Variants in SPATC1 observed in about 807,000 individuals in gnomAD.
The protein encoded by SPATC1 is speriolin.
A neutral mutation model predicts 36.5 loss-of-function variants in SPATC1; 35 were observed. The ratio of observed to expected loss-of-function variants is 0.96; its 90% CI spans 0.73 to 1.27. SPATC1 has a LOEUF of 1.27. Ranked by LOEUF, SPATC1 falls within the 50% of genes most tolerant of loss-of-function variation. The pLI is 0.00. For synonymous variants in SPATC1, 361 were observed against 353.6 expected, an observed-to-expected ratio of 1.02 and a Z score of -0.24; for missense variants, 779 against 796.0, an observed-to-expected ratio of 0.98 and a Z score of 0.26.
chr8:144,046,600 G>A lies in SPATC1; in HGVS notation c.1447-27G>A, dbSNP rs1835268275. The A allele has an allele frequency of 6.3e-7, 1 of 1,587,056 alleles. No homozygotes were observed. The highest frequency in any genetic ancestry group is 8.6e-7 in the Non-Finnish European group (1 of 1,168,936). ...TGTGTGTGGAGGTGTGGCAAGGGAG[G>A]GTCCCTGATGGCCGCTGTCCCCACA... On this transcript the variant is annotated intron_variant, in intron 4 of 4. Coordinates refer to ENST00000377470, the MANE Select transcript of SPATC1 (RefSeq NM_198572.3). This position sits in a 1 kb window ranked among gnomAD's most constrained non-coding sequence, Gnocchi z 6.6.
At chr8:144,013,631 G>T (rs1834323456) in intron 1 of SPATC1, among the ~76,000 whole-genome samples, 1 of 152,226 alleles carries the variant, frequency 6.6e-6, no homozygotes, top group African/African-American at 2.4e-5. Flanking sequence ...TACCCCTAAT[G>T]ACACAGAGAC....
At position 144,033,238 on chromosome 8, in the gene SPATC1, A is replaced by G. The variant is rs914729631; in HGVS notation, c.212-6671A>G. ...TGGTGAAACTCTGTCTCTACTAAAA[A>G]TACAAAAAAGTTAGCTGGGCATGGT... On this transcript the variant is annotated intron_variant, in intron 1 of 4. Transcript: ENST00000377470. Among the ~76,000 whole-genome samples, 745 of 152,278 alleles carry G rather than the reference A, an allele frequency of 4.9e-3. 7 individuals are homozygous for G. The highest frequency in any genetic ancestry group is 0.017 in the African/African-American group (721 of 41,554).
rs781954923 is a variant in SPATC1 at position 144,041,321 on chromosome 8, G to A, written c.1396G>A (p.Val466Ile). 57 of 1,612,714 alleles carry A rather than the reference G, an allele frequency of 3.5e-5. No individual in the cohort carries two copies. The highest frequency in any genetic ancestry group is 1.2e-4 in the African/African-American group (9 of 74,942). ...RILSSIFPER[V>I]RLYGFTVSNI... The stretch of plus-strand genomic sequence containing the variant: ...CCTGTCCAGCATCTTCCCAGAGCGC[G>A]TACGGCTCTACGGCTTCACTGTCTC... The change falls in exon 4 of 5, where the codon GTA becomes ATA. Residue 466 changes from valine to isoleucine, a missense_variant. Transcript: ENST00000377470.
rs987366111 is a variant in SPATC1, at chr8:144,045,869, G to A, written c.1447-758G>A. 2.0e-5 allele frequency among the ~76,000 whole-genome samples: 3 copies of A among 152,370 alleles called. No individual in the cohort carries two copies. The highest frequency in any genetic ancestry group is 7.2e-5 in the African/African-American group (3 of 41,592). The stretch of plus-strand genomic sequence containing the variant: ...CCAGGTCACACATCCAGGGGGCAGC[G>A]GCAGGCTGAGTGGGAGGGGCTGCCT... On this transcript the variant is annotated intron_variant, in intron 4 of 4. Coordinates refer to ENST00000377470, the MANE Select transcript of SPATC1 (RefSeq NM_198572.3). The surrounding 1 kb of genome is among the most constrained non-coding windows in gnomAD (Gnocchi z 5.2).
Position 144,046,982 on chromosome 8 carries a change from G to C in SPATC1, c.*26G>C. 1.3e-6 allele frequency: 2 copies of C among 1,582,718 alleles called. No homozygotes were observed. The highest frequency in any genetic ancestry group is 2.2e-5 in the East Asian group (1 of 44,704). On this transcript the variant is annotated 3_prime_UTR_variant, in exon 5 of 5. Transcript: ENST00000377470. The surrounding 1 kb of genome is among the most constrained non-coding windows in gnomAD (Gnocchi z 6.6). ...CGCTGGAGCTGGGAGGTCCAGGCTCGCTCAGCCCCACAGCCCTGTGCACGG... is the reference window on the plus strand; with the variant it reads ...CGCTGGAGCTGGGAGGTCCAGGCTCCCTCAGCCCCACAGCCCTGTGCACGG...
chr8:144,040,708 A>C lies in SPATC1; in HGVS notation c.907A>C (p.Thr303Pro), dbSNP rs782559504. ...TCCCAAGACGGCCTTCTCCTTCAAC[A>C]CTTCGGACACACAGGCCCAGCCCAG... ...PAPKTAFSFN[T>P]SDTQAQPSAA... Residue 303 changes from threonine to proline, a missense_variant, in exon 3 of 5, where the codon ACT becomes CCT. Physicochemically the swap from Thr to Pro is conservative, Grantham distance 38. Coordinates refer to ENST00000377470, the MANE Select transcript of SPATC1 (RefSeq NM_198572.3). 6.2e-7 allele frequency: 1 copy of C among 1,612,860 alleles called. No individual in the cohort carries two copies. The highest frequency in any genetic ancestry group is 8.5e-7 in the Non-Finnish European group (1 of 1,179,736).
At chr8:144,042,095 T>C in intron 4 of SPATC1, 2 of 797,154 alleles carry the variant, frequency 2.5e-6, no homozygotes, top group Non-Finnish European at 3.0e-6. Context: ...TACACAACAG[T>C]GTATGTACCC....
chr8:144,043,018 G>T (rs1363226096), intron 4 of SPATC1, among the ~76,000 whole-genome samples: 1 of 145,080 alleles, frequency 6.9e-6, no homozygotes, highest in Non-Finnish European at 1.5e-5. Flanking sequence ...TTGAGACAGA[G>T]TCTTGCTCTT....
At chr8:144,037,912 G>A (rs1168694382) in intron 1 of SPATC1, among the ~76,000 whole-genome samples, 1 of 151,966 alleles carries the variant, frequency 6.6e-6, no homozygotes, top group African/African-American at 2.4e-5. Flanking sequence ...GGCAGATCAT[G>A]AGGTCAGGAG....
chr8:144,043,712 A>C (rs1288273373), intron 4 of SPATC1, among the ~76,000 whole-genome samples: 9 of 148,126 alleles, frequency 6.1e-5, no homozygotes, highest in African/African-American at 2.2e-4. Context: ...TTTTTACATA[A>C]GTGACTATTT....
rs1209447574 is a variant in SPATC1 at position 144,045,323 on chromosome 8, G to C, written c.1447-1304G>C. ...ATCCCAGGCACGTCCCAGGCAACAG[G>C]GGTGCTGAGCGCAGGCTCTGGGAGC... is the stretch of plus-strand genomic sequence containing the variant. On this transcript the variant is annotated intron_variant, in intron 4 of 4. Coordinates refer to ENST00000377470, the MANE Select transcript of SPATC1 (RefSeq NM_198572.3). The surrounding 1 kb of genome is among the most constrained non-coding windows in gnomAD (Gnocchi z 5.2). 6.6e-6 allele frequency among the ~76,000 whole-genome samples: 1 copy of C among 152,236 alleles called. No homozygotes were observed. Among genetic ancestry groups the C allele is most frequent in the Non-Finnish European group, 1.5e-5 (1 of 68,036 alleles).
intron 1 of SPATC1, 95 bp downstream of exon 1, chr8:144,012,821 G>A (rs1343438971): frequency 7.6e-7 from 1 of 1,320,484 alleles, no homozygotes; most frequent in East Asian, 2.5e-5. Context: ...AGGTCATGGA[G>A]GGAGTGCCCT....
At chr8:144,042,139 G>C (rs966403073) in intron 4 of SPATC1, 43 of 432,392 alleles carry the variant, frequency 9.9e-5, no homozygotes, top group Non-Finnish European at 1.3e-4. Flanking sequence ...CAATTCAAAC[G>C]ATTCTGCTGC....
chr8:144,017,658 A>G (rs1834421106), intron 1 of SPATC1, among the ~76,000 whole-genome samples: 1 of 152,192 alleles, frequency 6.6e-6, no homozygotes, highest in Non-Finnish European at 1.5e-5. Context: ...AAGAATTTCA[A>G]ATTCAAATCT....
In SPATC1 at chr8:144,046,290, C is replaced by T. The variant is rs2129694901; in HGVS notation, c.1447-337C>T. Among the ~76,000 whole-genome samples the T allele has an allele frequency of 1.3e-5, 2 of 152,286 alleles. No individual in the cohort carries two copies. The highest frequency in any genetic ancestry group is 4.1e-4 in the South Asian group (2 of 4,828). ...TCCAGATGCCTAGCCACGCCCCCTG[C>T]CCTCAGTCCCTGGAGGCCTCAGCCC... On this transcript the variant is annotated intron_variant, in intron 4 of 4. Coordinates refer to ENST00000377470, the MANE Select transcript of SPATC1 (RefSeq NM_198572.3). This position sits in a 1 kb window ranked among gnomAD's most constrained non-coding sequence, Gnocchi z 6.6.
intron 1 of SPATC1, among the ~76,000 whole-genome samples, chr8:144,019,357 G>A (rs1373516520): frequency 6.6e-6 from 1 of 152,218 alleles, no homozygotes; most frequent in East Asian, 1.9e-4. Context: ...GATCTGGAGA[G>A]GCTCAGAGAC....
chr8:144,031,760 G>C (rs1436940197), intron 1 of SPATC1, among the ~76,000 whole-genome samples: 4 of 120,954 alleles, frequency 3.3e-5, no homozygotes, highest in African/African-American at 9.8e-5. Flanking sequence ...GTCTCACTCT[G>C]TCACCCATCA....
intron 1 of SPATC1, among the ~76,000 whole-genome samples, chr8:144,024,010 A>G (rs1390798633): frequency 3.6e-5 from 5 of 138,438 alleles, no homozygotes; most frequent in South Asian, 4.6e-4. Flanking sequence ...CTCTACCCTA[A>G]GGACCCTCTC....
chr8:144,037,751 T>C (rs1834944756), intron 1 of SPATC1, among the ~76,000 whole-genome samples: 1 of 151,088 alleles, frequency 6.6e-6, no homozygotes. Flanking sequence ...TCCACTATTG[T>C]CCTATGACCC....
Sources: allele counts gnomAD v4.1 joint callset (sites outside exome capture counted in the v4.1 genomes callset), GRCh38; gene constraint gnomAD v4.1.1; non-coding constraint Gnocchi (gnomAD v3.1); transcripts MANE v1.5; gene names NCBI Gene and HGNC (gene_info 2026-07-23, HGNC 2026-07-21).